Variants in CADM2 observed in about 807,000 individuals in gnomAD.
CADM2 encodes immunoglobulin superfamily member 4D.
A neutral mutation model predicts 49.8 loss-of-function variants in CADM2; 12 were observed. The ratio of observed to expected loss-of-function variants is 0.24; its 90% CI spans 0.15 to 0.39. The LOEUF is 0.39. Among genes scored for constraint, CADM2 ranks in the 10% least tolerant of loss-of-function variants. The pLI is 1.00. For missense variants in CADM2, 378 were observed against 492.3 expected, an observed-to-expected ratio of 0.77 and a Z score of 2.20; for synonymous variants, 214 against 175.4, an observed-to-expected ratio of 1.22 and a Z score of -1.74.
chr3:85,050,946 T>C (rs1431462288), intron 1 of CADM2, among the ~76,000 whole-genome samples: 4 of 152,166 alleles, frequency 2.6e-5, no homozygotes, highest in African/African-American at 7.2e-5. Context: ...CTTGTGTCAG[T>C]TTAGACTTGG....
At chr3:85,515,629 A>ATTTT (rs201585752) in intron 1 of CADM2, among the ~76,000 whole-genome samples, 2 of 121,826 alleles carry the variant, frequency 1.6e-5, no homozygotes, top group African/African-American at 7.0e-5. Flanking sequence ...ATATATATAT[A>ATTTT]TATTTTTTTT....
intron 1 of CADM2, among the ~76,000 whole-genome samples, chr3:85,613,841 G>A (rs2107460665): frequency 6.6e-6 from 1 of 151,708 alleles, no homozygotes; most frequent in Non-Finnish European, 1.5e-5. Flanking sequence ...AAGTCTGACA[G>A]GCCAGGGTTC....
intron 1 of CADM2, among the ~76,000 whole-genome samples, chr3:85,320,931 A>T (rs1195129515): frequency 2.0e-5 from 3 of 148,870 alleles, no homozygotes; most frequent in Non-Finnish European, 4.5e-5. Flanking sequence ...TTTCTGTTAG[A>T]TTTTTTTTTA....
intron 1 of CADM2, among the ~76,000 whole-genome samples, chr3:85,157,296 A>G (rs921701932): frequency 1.7e-4 from 26 of 151,094 alleles, no homozygotes; most frequent in African/African-American, 6.4e-4. Flanking sequence ...TGCCATCCCC[A>G]TCAAGCTACC....
At chr3:85,836,135 A>G (rs928342239) in intron 3 of CADM2, among the ~76,000 whole-genome samples, 1 of 151,552 alleles carries the variant, frequency 6.6e-6, no homozygotes, top group African/African-American at 2.4e-5. Flanking sequence ...GCACTCTGAT[A>G]GCATCTGACC....
intron 1 of CADM2, among the ~76,000 whole-genome samples, chr3:85,490,373 G>T (rs187635883): frequency 3.3e-5 from 5 of 151,516 alleles, no homozygotes; most frequent in African/African-American, 1.2e-4. Context: ...TTTTAGAATA[G>T]AGATCATTTT....
At chr3:85,702,971 C>T (rs1003782047) in intron 1 of CADM2, among the ~76,000 whole-genome samples, 7 of 152,112 alleles carry the variant, frequency 4.6e-5, no homozygotes, top group Non-Finnish European at 8.8e-5. Context: ...TTAGAGATGT[C>T]AACTATGAAA....
chr3:85,094,397 G>T (rs546204717), intron 1 of CADM2, among the ~76,000 whole-genome samples: 63 of 152,160 alleles, frequency 4.1e-4, no homozygotes, highest in African/African-American at 1.4e-3. Flanking sequence ...TTTTATAAAT[G>T]TATATTTATT....
At chr3:85,883,509 T>A in intron 4 of CADM2, 66 bp downstream of exon 4, 1 of 1,313,402 alleles carries the variant, frequency 7.6e-7, no homozygotes. Context: ...TACAGCAACA[T>A]AATTCAATAC....
chr3:85,621,425 A>T (rs899551053), intron 1 of CADM2, among the ~76,000 whole-genome samples: 1 of 152,184 alleles, frequency 6.6e-6, no homozygotes, highest in East Asian at 1.9e-4. Flanking sequence ...TTAGCAATTT[A>T]TAAGTATTCT....
At chr3:85,443,141 T>C (rs1396158261) in intron 1 of CADM2, among the ~76,000 whole-genome samples, 1 of 152,122 alleles carries the variant, frequency 6.6e-6, no homozygotes, top group East Asian at 1.9e-4. Context: ...GATTGATCTC[T>C]TGTATACCTC....
At chr3:85,633,882 C>T (rs753019953) in intron 1 of CADM2, among the ~76,000 whole-genome samples, 2 of 151,796 alleles carry the variant, frequency 1.3e-5, no homozygotes, top group Non-Finnish European at 1.5e-5. Context: ...GAGAGTATGA[C>T]GAAGCAGTTA....
intron 3 of CADM2, among the ~76,000 whole-genome samples, chr3:85,805,950 G>C (rs373293695): frequency 6.6e-6 from 1 of 152,156 alleles, no homozygotes; most frequent in Non-Finnish European, 1.5e-5. Context: ...GTTCTTAGCC[G>C]TAGCTACACA....
chr3:85,214,236 C>T (rs2041870774), intron 1 of CADM2, among the ~76,000 whole-genome samples: 1 of 152,052 alleles, frequency 6.6e-6, no homozygotes. Flanking sequence ...TGGATGAATT[C>T]CATGGATTAC....
chr3:85,830,044 T>C (rs1577420724), intron 3 of CADM2, among the ~76,000 whole-genome samples: 3 of 152,028 alleles, frequency 2.0e-5, no homozygotes, highest in Non-Finnish European at 2.9e-5. Context: ...GTAAGATTGC[T>C]GACCCATAGG....
At chr3:86,031,264 G>C (rs1005282024) in intron 8 of CADM2, among the ~76,000 whole-genome samples, 3 of 151,698 alleles carry the variant, frequency 2.0e-5, no homozygotes, top group African/African-American at 7.2e-5. Flanking sequence ...TTGATAACCA[G>C]GGTCATATCT....
intron 1 of CADM2, among the ~76,000 whole-genome samples, chr3:85,401,307 G>A (rs994855375): frequency 6.6e-6 from 1 of 152,108 alleles, no homozygotes; most frequent in African/African-American, 2.4e-5. Flanking sequence ...AGACGGTCAC[G>A]GATCCTCTCA....
chr3:85,102,569 A>G (rs149521188), intron 1 of CADM2, among the ~76,000 whole-genome samples: 1 of 152,266 alleles, frequency 6.6e-6, no homozygotes, highest in African/African-American at 2.4e-5. Flanking sequence ...CACTCTCTAG[A>G]GAGAAAAGCA....
intron 1 of CADM2, among the ~76,000 whole-genome samples, chr3:85,445,311 A>G (rs2037394642): frequency 6.6e-6 from 1 of 152,120 alleles, no homozygotes; most frequent in African/African-American, 2.4e-5. Context: ...ATAAAATACT[A>G]TATGCAGTAC....
Sources: gnomAD v4.1 joint callset for allele counts (sites outside exome capture counted in the v4.1 genomes callset) on GRCh38, gnomAD v4.1.1 for gene constraint, MANE v1.5 for transcripts, NCBI Gene and HGNC (gene_info 2026-07-23, HGNC 2026-07-21) for gene names.